The following SPICE1 variants were observed in gnomAD, a reference collection of about 807,000 sequenced individuals.
SPICE1 encodes spindle and centriole associated protein 1, also known as spindle and centriole-associated protein 1.
SPICE1 carries 75 observed loss-of-function variants against 102.7 expected under a neutral mutation model. The ratio of observed to expected loss-of-function variants is 0.73; its 90% CI spans 0.61 to 0.88. SPICE1 has a LOEUF of 0.88. Ranked by LOEUF, SPICE1 falls within the 40% of genes least tolerant of loss-of-function variation. The pLI is 0.00. For synonymous variants in SPICE1, 308 were observed against 350.3 expected (o/e 0.88, Z 1.35); for missense variants, 979 against 1,020.1 (o/e 0.96, Z 0.55).
At chr3:113,456,471 C>T (rs1935780612) in intron 13 of SPICE1, among the ~76,000 whole-genome samples, 1 of 152,100 alleles carries the variant, frequency 6.6e-6, no homozygotes, top group Non-Finnish European at 1.5e-5. Flanking sequence ...AAAAAATGTA[C>T]ATGGGGACAA....
At position 113,453,530 on chromosome 3, in the gene SPICE1, C is replaced by G. The variant is rs143427136; in HGVS notation, c.2078G>C (p.Arg693Thr). The G allele has an allele frequency of 2.2e-5, 36 of 1,614,072 alleles. No individual in the cohort carries two copies. Among genetic ancestry groups the G allele is most frequent in the Non-Finnish European group, 2.9e-5 (34 of 1,180,052 alleles). The change falls in exon 14 of 18, where the codon AGA becomes ACA. Residue 693 changes from arginine (R) to threonine (T), a missense_variant. Physicochemically the swap from Arg to Thr is moderately conservative, Grantham distance 71. Coordinates refer to ENST00000295872, the MANE Select transcript of SPICE1 (RefSeq NM_144718.4). ...KAHMNNIIEP[R>T]GEQGDGLREL... ...CCGGAGTCCATCCCCTTGCTCTCCT[C>G]TGGGCTCAATAATATTATTCATATG... is the stretch of plus-strand genomic sequence containing the variant.
At chr3:113,511,872 A>C (rs997986635) in intron 1 of SPICE1, among the ~76,000 whole-genome samples, 1 of 152,226 alleles carries the variant, frequency 6.6e-6, no homozygotes, top group African/African-American at 2.4e-5. Flanking sequence ...TAACAGGCAG[A>C]GCCAAGAGCT....
Position 113,468,782 on chromosome 3 carries a change from TG to T in SPICE1, c.868del (p.Gln290LysfsTer5). On this transcript the variant is annotated frameshift_variant, in exon 9 of 18. Transcript: ENST00000295872. LOFTEE classifies it high-confidence loss of function. Reference protein sequence around the residue: ...VVGHVLNSRKQKQLLNKVKRK... With the variant: ...VVGHVLNSRKXKQLLNKVKRK... ...TGAACCTTTATTTAACAGCTGTTTT[TG>T]CTTCCTTGAGTTCAGCACGTGTCCC... 2 of 1,613,138 alleles carry T rather than the reference TG, an allele frequency of 1.2e-6. No homozygotes were observed. The highest frequency in any genetic ancestry group is 1.7e-6 in the Non-Finnish European group (2 of 1,179,828).
intron 6 of SPICE1, among the ~76,000 whole-genome samples, chr3:113,489,944 C>G (rs1936731425): frequency 6.6e-6 from 1 of 151,546 alleles, no homozygotes; most frequent in South Asian, 2.1e-4. Flanking sequence ...TCTGGCCATT[C>G]CTTCCCAATC....
intron 7 of SPICE1, among the ~76,000 whole-genome samples, chr3:113,477,607 TA>T (rs1453986882): frequency 6.6e-6 from 1 of 152,098 alleles, no homozygotes; most frequent in African/African-American, 2.4e-5. Context: ...TATGCAGCCT[TA>T]AAAAATGATA....
intron 7 of SPICE1, among the ~76,000 whole-genome samples, chr3:113,480,836 C>T (rs891926882): frequency 6.7e-6 from 1 of 149,086 alleles, no homozygotes; most frequent in Non-Finnish European, 1.5e-5. Flanking sequence ...GTGATCACAC[C>T]ACTGCACTCT....
At chr3:113,513,878 T>C (rs1191246228) in intron 1 of SPICE1, among the ~76,000 whole-genome samples, 1 of 152,208 alleles carries the variant, frequency 6.6e-6, no homozygotes, top group African/African-American at 2.4e-5. Flanking sequence ...GAAAGTAGAA[T>C]AGTCTATGCC....
Position 113,445,084 on chromosome 3 carries a change from TACAGTC to T in SPICE1, c.*217_*222del. ...TTAAAATACAAAACTTTAACTTCTC[TACAGTC>T]AAAGTTTCATTCACAGGGAGCTGTA... On this transcript the variant is annotated 3_prime_UTR_variant, in exon 18 of 18. Transcript: ENST00000295872. 1 of 386,400 alleles carries T rather than the reference TACAGTC, an allele frequency of 2.6e-6. No homozygotes were observed. Among genetic ancestry groups the T allele is most frequent in the Non-Finnish European group, 4.6e-6 (1 of 217,958 alleles). 23.9% of individuals were successfully genotyped at this position (386,400 alleles called of 1,614,324 possible).
At chr3:113,478,002 A>C (rs1323582308) in intron 7 of SPICE1, among the ~76,000 whole-genome samples, 2 of 151,678 alleles carry the variant, frequency 1.3e-5, no homozygotes, top group African/African-American at 4.8e-5. Flanking sequence ...TAACTGACAT[A>C]CCTGACAATG....
At chr3:113,454,151 CT>C in intron 13 of SPICE1, among the ~76,000 whole-genome samples, 1 of 152,198 alleles carries the variant, frequency 6.6e-6, no homozygotes, top group South Asian at 2.1e-4. Flanking sequence ...TTTTACATTC[CT>C]TAAAGCATTT....
At chr3:113,449,323 T>C (rs1935587663) in intron 15 of SPICE1, 1 of 129,622 alleles carries the variant, frequency 7.7e-6, no homozygotes, top group Non-Finnish European at 1.7e-5. Context: ...ACATAGTACA[T>C]GTTCGCACAT....
chr3:113,460,430 CA>C (rs1935903634), intron 12 of SPICE1, 186 bp downstream of exon 12: 1 of 977,112 alleles, frequency 1.0e-6, no homozygotes, highest in African/African-American at 1.8e-5. Context: ...TAAGACTTAA[CA>C]AGTATCTGGC....
intron 7 of SPICE1, among the ~76,000 whole-genome samples, chr3:113,485,172 G>GTTTT (rs1346426484): frequency 4.1e-5 from 6 of 147,244 alleles, no homozygotes; most frequent in East Asian, 4.0e-4. Context: ...CAGGAGTTTT[G>GTTTT]TTTGTTTTTT....
chr3:113,464,933 C>A (rs1039959961), intron 11 of SPICE1, among the ~76,000 whole-genome samples: 4 of 151,880 alleles, frequency 2.6e-5, no homozygotes, highest in Non-Finnish European at 5.9e-5. Context: ...ATGGTGAAAC[C>A]CCATCTCTAC....
intron 7 of SPICE1, among the ~76,000 whole-genome samples, chr3:113,477,260 G>A (rs2107475943): frequency 6.6e-6 from 1 of 152,120 alleles, no homozygotes; most frequent in South Asian, 2.1e-4. Flanking sequence ...CAGTTAGAAT[G>A]GCAATCATTA....
chr3:113,505,431 C>G (rs2107506651), intron 2 of SPICE1, among the ~76,000 whole-genome samples: 1 of 152,230 alleles, frequency 6.6e-6, no homozygotes, highest in East Asian at 1.9e-4. Flanking sequence ...CCCGCTGCCC[C>G]ACTTCAAAGG....
At chr3:113,445,601 G>A (rs1454978884) in intron 17 of SPICE1, among the ~76,000 whole-genome samples, 1 of 152,116 alleles carries the variant, frequency 6.6e-6, no homozygotes, top group East Asian at 1.9e-4. Flanking sequence ...TAAGTCCAGT[G>A]TTTTATAGCT....
intron 12 of SPICE1, 106 bp downstream of exon 12, chr3:113,460,511 T>A: frequency 6.7e-7 from 1 of 1,483,860 alleles, no homozygotes; most frequent in Non-Finnish European, 8.9e-7. Flanking sequence ...TGTACATGCA[T>A]AAACAGTCAA....
intron 7 of SPICE1, among the ~76,000 whole-genome samples, chr3:113,474,411 T>G (rs1315131962): frequency 1.3e-5 from 2 of 152,140 alleles, no homozygotes; most frequent in Non-Finnish European, 2.9e-5. Flanking sequence ...TACCCAGGAA[T>G]TGAACTCAGC....
Sources: gnomAD v4.1 joint callset for allele counts (sites outside exome capture counted in the v4.1 genomes callset) on GRCh38, gnomAD v4.1.1 for gene constraint, MANE v1.5 for transcripts, NCBI Gene and HGNC (gene_info 2026-07-23, HGNC 2026-07-21) for gene names.